Variants in PACRG observed in about 807,000 individuals in gnomAD.
The protein encoded by PACRG is parkin coregulated, also known as parkin coregulated gene protein.
Under a neutral mutation model 29.7 loss-of-function variants are expected in PACRG, and 29 were observed. That is an observed-to-expected ratio of 0.98 (90% confidence interval 0.73 to 1.33). The LOEUF (loss-of-function observed/expected upper bound fraction) is 1.33. PACRG is among the 40% of genes most tolerant of loss of function. The pLI is 0.00. For synonymous variants in PACRG, 116 were observed against 118.7 expected (o/e 0.98, Z 0.15); for missense variants, 279 against 316.2 (o/e 0.88, Z 0.89).
chr6:162,817,715 C>CATATT (rs1787479937), intron 2 of PACRG, among the ~76,000 whole-genome samples: 1 of 152,070 alleles, frequency 6.6e-6, no homozygotes, highest in Admixed American at 6.6e-5. Context: ...TTAGACCATG[C>CATATT]AGCTACAGAT....
At chr6:162,990,403 T>C (rs1374648065) in intron 2 of PACRG, among the ~76,000 whole-genome samples, 3 of 150,386 alleles carry the variant, frequency 2.0e-5, no homozygotes, top group East Asian at 2.0e-4. Context: ...GCACCTGTTG[T>C]TTCCTGACTT....
At chr6:162,947,471 A>ATAATC (rs1799197117) in intron 2 of PACRG, among the ~76,000 whole-genome samples, 2 of 12,806 alleles carry the variant, frequency 1.6e-4, no homozygotes, top group Non-Finnish European at 3.4e-4. Flanking sequence ...ATCATATATA[A>ATAATC]TATATATATA....
At chr6:162,770,401 T>G (rs1783126582) in intron 1 of PACRG, among the ~76,000 whole-genome samples, 1 of 152,216 alleles carries the variant, frequency 6.6e-6, no homozygotes, top group South Asian at 2.1e-4. Flanking sequence ...TTATATCAGC[T>G]CCATTTTCCA....
intron 2 of PACRG, among the ~76,000 whole-genome samples, chr6:162,877,497 A>C (rs1452017231): frequency 6.6e-6 from 1 of 152,120 alleles, no homozygotes; most frequent in African/African-American, 2.4e-5. Flanking sequence ...TGATGGGTTG[A>C]TGGGTGCAGC....
chr6:162,890,313 A>T (rs899423526), intron 2 of PACRG, among the ~76,000 whole-genome samples: 1 of 152,200 alleles, frequency 6.6e-6, no homozygotes, highest in Non-Finnish European at 1.5e-5. Context: ...AAGAAACCTT[A>T]TGATATGATA....
At chr6:162,997,131 CTT>C (rs1804139312) in intron 2 of PACRG, among the ~76,000 whole-genome samples, 1 of 152,146 alleles carries the variant, frequency 6.6e-6, no homozygotes, top group African/African-American at 2.4e-5. Flanking sequence ...AAAGATAAAA[CTT>C]GACATTAATG....
chr6:163,175,599 T>G (rs1319807266), intron 4 of PACRG, among the ~76,000 whole-genome samples: 1 of 151,790 alleles, frequency 6.6e-6, no homozygotes, highest in Non-Finnish European at 1.5e-5. Flanking sequence ...GAGCAGCTGC[T>G]GGGGTGCATA....
At chr6:163,135,659 G>A (rs1039977110) in intron 4 of PACRG, among the ~76,000 whole-genome samples, 1 of 152,112 alleles carries the variant, frequency 6.6e-6, no homozygotes, top group Admixed American at 6.5e-5. Context: ...TGATTTTAAG[G>A]TAAATACCTA....
In PACRG at chr6:163,190,452, G is replaced by A. The variant is rs1026007103; in HGVS notation, c.613+101044G>A. ...GAGTTGCATTAGACACAAGTAGTCAGTGACCCCGATGCACGGAGGAAATTC... is the reference window on the plus strand; with the variant it reads ...GAGTTGCATTAGACACAAGTAGTCAATGACCCCGATGCACGGAGGAAATTC... On this transcript the variant is annotated intron_variant, in intron 4 of 4. Coordinates refer to ENST00000366888, the MANE Select transcript of PACRG (RefSeq NM_001080379.2). 3 of 152,370 alleles carry A rather than the reference G, an allele frequency of 2.0e-5. No homozygotes were observed. In the East Asian group the frequency reaches 5.8e-4, roughly 29 times the overall value. 9.4% of individuals were successfully genotyped at this position (152,370 alleles called of 1,614,324 possible).
At chr6:163,165,127 G>A (rs1778738478) in intron 4 of PACRG, among the ~76,000 whole-genome samples, 1 of 152,218 alleles carries the variant, frequency 6.6e-6, no homozygotes, top group African/African-American at 2.4e-5. Flanking sequence ...CATGTGGCAA[G>A]TGCTACATGG....
chr6:163,191,640 C>T (rs1780218257), intron 4 of PACRG: 2 of 456,108 alleles, frequency 4.4e-6, no homozygotes, highest in Non-Finnish European at 8.8e-6. Flanking sequence ...TGGCTGCACT[C>T]CACCAGGTGA....
chr6:163,118,899 G>A (rs987653796), intron 4 of PACRG, among the ~76,000 whole-genome samples: 1 of 152,068 alleles, frequency 6.6e-6, no homozygotes, highest in Non-Finnish European at 1.5e-5. Flanking sequence ...ATAGAGACTC[G>A]GAAAAACTCT....
intron 2 of PACRG, among the ~76,000 whole-genome samples, chr6:162,947,617 T>TATATATAAAC (rs1554313367): frequency 2.6e-5 from 1 of 38,338 alleles, no homozygotes; most frequent in Non-Finnish European, 4.8e-5. Flanking sequence ...TAATCATATA[T>TATATATAAAC]ATATATATAT....
chr6:162,888,153 G>C (rs369731662), intron 2 of PACRG, among the ~76,000 whole-genome samples: 2 of 151,938 alleles, frequency 1.3e-5, no homozygotes, highest in South Asian at 2.1e-4. Context: ...GGCTGGGGTG[G>C]TCTCATCCTC....
intron 4 of PACRG, among the ~76,000 whole-genome samples, chr6:163,131,525 C>A (rs1326958896): frequency 1.3e-5 from 2 of 152,032 alleles, no homozygotes; most frequent in Non-Finnish European, 2.9e-5. Context: ...CTCTTAAAGC[C>A]GTCAGAAAGG....
chr6:162,958,675 TG>T (rs1421174848), intron 2 of PACRG, among the ~76,000 whole-genome samples: 1 of 151,466 alleles, frequency 6.6e-6, no homozygotes, highest in African/African-American at 2.4e-5. Flanking sequence ...TAGGATCCTT[TG>T]TTTATGGAGC....
intron 1 of PACRG, among the ~76,000 whole-genome samples, chr6:162,801,713 G>T (rs904763989): frequency 2.6e-5 from 4 of 152,048 alleles, no homozygotes; most frequent in African/African-American, 9.7e-5. Flanking sequence ...CAGGAAATAT[G>T]AATTTTATTG....
intron 4 of PACRG, among the ~76,000 whole-genome samples, chr6:163,283,572 G>A (rs1313811411): frequency 4.1e-5 from 6 of 147,134 alleles, no homozygotes; most frequent in South Asian, 2.2e-4. Flanking sequence ...AGGCCGAGGC[G>A]GGTGGATCAT....
rs190207148 is a variant in PACRG at position 162,829,732 on chromosome 6, G to A, written c.291+15451G>A. On this transcript the variant is annotated intron_variant, in intron 2 of 4. Transcript: ENST00000366888. ...AGAGATAAGGATGTTCTTTTTCTCC[G>A]GGTATAGGAAGGGCACCCCTCACAT... Among the ~76,000 whole-genome samples, 81 of 152,152 alleles carry A rather than the reference G, an allele frequency of 5.3e-4. 1 individual carries two copies. Among genetic ancestry groups the A allele is most frequent in the Non-Finnish European group, 8.8e-5 (6 of 68,002 alleles).
Sources: allele counts gnomAD v4.1 joint callset (sites outside exome capture counted in the v4.1 genomes callset), GRCh38; gene constraint gnomAD v4.1.1; transcripts MANE v1.5; gene names NCBI Gene and HGNC (gene_info 2026-07-23, HGNC 2026-07-21).